Variants in BAHCC1 observed in about 807,000 individuals in gnomAD.
BAHCC1 encodes BAH domain and coiled-coil containing 1.
In BAHCC1, 43 loss-of-function variants were observed where a neutral mutation model predicts 88.2. The observed-to-expected ratio is 0.49, with a 90% CI of 0.38 to 0.63. The LOEUF (loss-of-function observed/expected upper bound fraction) is 0.63, where lower values mean the gene tolerates loss of function less well. Ranked by LOEUF, BAHCC1 falls within the 20% of genes least tolerant of loss-of-function variation. The pLI is 0.00. For synonymous variants in BAHCC1, 1,510 were observed against 745.5 expected, an observed-to-expected ratio of 2.03 and a Z score of -16.71; for missense variants, 3,023 against 1,654.8, an observed-to-expected ratio of 1.83 and a Z score of -14.34.
Position 81,399,821 on chromosome 17 carries a change from G to C in BAHCC1, c.82G>C (p.Ala28Pro). The C allele has an allele frequency of 7.5e-7, 1 of 1,326,116 alleles. No individual in the cohort carries two copies. Among genetic ancestry groups the C allele is most frequent in the East Asian group, 3.2e-5 (1 of 31,650 alleles). The allele number at this position is 1,326,116 out of a possible 1,614,324, so 82.1% of individuals were successfully genotyped here. Residue 28 changes from alanine to proline, a missense_variant, in exon 2 of 28, where the codon GCG (alanine) becomes CCG (proline). Coordinates refer to ENST00000675386, the MANE Select transcript of BAHCC1 (RefSeq NM_001377448.1). This position sits in a 1 kb window ranked among gnomAD's most constrained non-coding sequence, Gnocchi z 4.5. ...GGGCCACCGCAGCGCCGCTGCCGCC[G>C]CGCGTCTCGCCCCGGCTGGGCCCGC... is the stretch of plus-strand genomic sequence containing the variant. The part of the protein sequence containing the change: ...SLGHRSAAAA[A>P]RLAPAGPAAQ...
At position 81,457,392 on chromosome 17, in the gene BAHCC1, C is replaced by T. The variant is rs782087202; in HGVS notation, c.4859-18C>T. 2.2e-5 allele frequency: 17 copies of T among 758,798 alleles called. No individual in the cohort carries two copies. The highest frequency in any genetic ancestry group is 3.9e-5 in the Non-Finnish European group (16 of 408,248). The allele number at this position is 758,798 out of a possible 1,614,324, so 47.0% of individuals were successfully genotyped here. A position where few individuals can be genotyped will look rare whatever the true frequency, so the allele number is the denominator to read the frequency against. On this transcript the variant is annotated intron_variant, in intron 16 of 27. Transcript: ENST00000675386. ...AGCTTACCATCAAGTCATCAGGACC[C>T]CTCTGCCTCTCTCCCAGGCAGTGGC...
intron 2 of BAHCC1, among the ~76,000 whole-genome samples, chr17:81,419,238 C>T (rs530755661): frequency 2.2e-4 from 33 of 152,334 alleles, no homozygotes; most frequent in Admixed American, 6.5e-4. Context: ...CCTCTCACCC[C>T]AGGCAGAGCC....
Position 81,452,821 on chromosome 17 carries a change from C to G in BAHCC1, c.4415C>G (p.Pro1472Arg), listed in dbSNP as rs781918167. 1.3e-6 allele frequency: 1 copy of G among 743,756 alleles called. No homozygotes were observed. The highest frequency in any genetic ancestry group is 2.5e-6 in the Non-Finnish European group (1 of 404,154). The allele number at this position is 743,756 out of a possible 1,614,324, so 46.1% of individuals were successfully genotyped here. ...CTGCCTGCCCCACGTCCCACGGGGC[C>G]GCTCCCCAGGAGCGATGGCAAGAAA... is the stretch of plus-strand genomic sequence containing the variant. The part of the protein sequence containing the change: ...SSLPAPRPTG[P>R]LPRSDGKKVK... Residue 1472 changes from proline to arginine, a missense_variant, in exon 14 of 28, where the codon CCG becomes CGG. By Grantham distance (103) the Pro-to-Arg change is moderately radical. Coordinates refer to ENST00000675386, the MANE Select transcript of BAHCC1 (RefSeq NM_001377448.1).
chr17:81,402,842 G>C (rs1555646286), intron 2 of BAHCC1: 1 of 152,230 alleles, frequency 6.6e-6, no homozygotes. Flanking sequence ...TGGGGACATG[G>C]GGCTCCCAGG....
Position 81,425,404 on chromosome 17 carries a change from G to GGTGATGTGGTTGGT in BAHCC1, c.179-1394_179-1381dup, listed in dbSNP as rs1160320105. The stretch of plus-strand genomic sequence containing the variant: ...GGTGTGGTTGGTGGTGATAGTGGTG[G>GGTGATGTGGTTGGT]GTGATGTGGTTGGTGGGTGATGTGG... On this transcript the variant is annotated intron_variant, in intron 2 of 27. Transcript: ENST00000675386. Among the ~76,000 whole-genome samples the GGTGATGTGGTTGGT allele has an allele frequency of 2.8e-3, 278 of 100,956 alleles. 37 individuals are homozygous for GGTGATGTGGTTGGT. Among genetic ancestry groups the GGTGATGTGGTTGGT allele is most frequent in the African/African-American group, 0.012 (211 of 17,332 alleles). The allele number at this position is 100,956 out of a possible 152,430, so 66.2% of individuals were successfully genotyped here. A position where few individuals can be genotyped will look rare whatever the true frequency, so the allele number is the denominator to read the frequency against.
chr17:81,444,320 G>T, intron 6 of BAHCC1, 61 bp from the exon 7 acceptor site: 1 of 700,356 alleles, frequency 1.4e-6, no homozygotes, highest in Non-Finnish European at 2.6e-6. Flanking sequence ...CAAAGGGCCG[G>T]GGGTGGGATG....
At chr17:81,424,348 G>A (rs1555649988) in intron 2 of BAHCC1, among the ~76,000 whole-genome samples, 1 of 152,200 alleles carries the variant, frequency 6.6e-6, no homozygotes, top group Non-Finnish European at 1.5e-5. Flanking sequence ...TGACCTTTTT[G>A]GCAAGTTCGC....
Position 81,399,799 on chromosome 17 carries a change from C to T in BAHCC1, c.60C>T (p.Gly20=), listed in dbSNP as rs1458466483. The T allele has an allele frequency of 6.3e-6, 8 of 1,274,334 alleles. No homozygotes were observed. Among genetic ancestry groups the T allele is most frequent in the Non-Finnish European group, 6.9e-6 (7 of 1,012,290 alleles). The allele number at this position is 1,274,334 out of a possible 1,614,324, so 78.9% of individuals were successfully genotyped here. Residue 20 remains glycine, a synonymous_variant, in exon 2 of 28, where the codon GGC becomes GGT. Transcript: ENST00000675386. The surrounding 1 kb of genome is among the most constrained non-coding windows in gnomAD (Gnocchi z 4.5). Reference sequence around the variant, plus strand: ...TGCTGTCGGAGCGCGGGAGCCTGGGCCACCGCAGCGCCGCTGCCGCCGCGC... The same window carrying T: ...TGCTGTCGGAGCGCGGGAGCCTGGGTCACCGCAGCGCCGCTGCCGCCGCGC... ...PHLLSERGSL[G]HRSAAAAARL...
chr17:81,422,253 C>A (rs1001327499), intron 2 of BAHCC1, among the ~76,000 whole-genome samples: 7 of 152,226 alleles, frequency 4.6e-5, no homozygotes, highest in Non-Finnish European at 8.8e-5. Flanking sequence ...CTCAAGTGAT[C>A]CACCACCTTG....
intron 2 of BAHCC1, among the ~76,000 whole-genome samples, chr17:81,426,333 TGGTGATAGTCGTGGGTGATGTGGTTGGG>T (rs2064198036): frequency 4.9e-5 from 2 of 40,992 alleles, no homozygotes; most frequent in East Asian, 9.2e-4. Context: ...ATGTGGTTGG[TGGTGATAGTCGTGGGTGATGTGGTTGGG>T]GGTGATAGTG....
chr17:81,418,065 G>A (rs1310786223), intron 2 of BAHCC1, among the ~76,000 whole-genome samples: 7 of 152,226 alleles, frequency 4.6e-5, no homozygotes, highest in African/African-American at 1.7e-4. Context: ...GCCCCAGGGG[G>A]CCAAGGCACC....
At chr17:81,418,810 C>CGTGTGTGTGTGT (rs70938163) in intron 2 of BAHCC1, among the ~76,000 whole-genome samples, 13,822 of 146,068 alleles carry the variant, frequency 0.095, 748 homozygotes, top group Non-Finnish European at 0.12. Flanking sequence ...TGTGTGTGTA[C>CGTGTGTGTGTGT]GTGTGTGTGT....
intron 4 of BAHCC1, among the ~76,000 whole-genome samples, chr17:81,441,192 G>T (rs1446978451): frequency 6.6e-6 from 1 of 152,204 alleles, no homozygotes; most frequent in African/African-American, 2.4e-5. Context: ...CTGAACATGG[G>T]GGCAGAGGGT....
intron 2 of BAHCC1, among the ~76,000 whole-genome samples, chr17:81,413,501 C>T (rs927052208): frequency 2.6e-5 from 4 of 152,186 alleles, no homozygotes; most frequent in African/African-American, 7.2e-5. Context: ...TCCGCAGCAG[C>T]GGGCCCCTGG....
At chr17:81,437,463 T>C (rs1481283225) in intron 3 of BAHCC1, among the ~76,000 whole-genome samples, 2 of 152,238 alleles carry the variant, frequency 1.3e-5, no homozygotes, top group Non-Finnish European at 2.9e-5. Context: ...ACATGCTCTC[T>C]GCAGCCCCTG....
At chr17:81,462,662 C>T (rs1555659821) in intron 26 of BAHCC1, 78 bp from the exon 27 acceptor site, 3 of 689,712 alleles carry the variant, frequency 4.3e-6, no homozygotes, top group Admixed American at 2.1e-5. Flanking sequence ...CCACACCACA[C>T]CCTCCATGCC....
chr17:81,425,888 TGTGGTTGGTGGGTG>T, intron 2 of BAHCC1, among the ~76,000 whole-genome samples: 1 of 147,310 alleles, frequency 6.8e-6, no homozygotes, highest in East Asian at 2.0e-4. Context: ...TTGGTGGTGA[TGTGGTTGGTGGGTG>T]ATGTCATTGG....
intron 2 of BAHCC1, among the ~76,000 whole-genome samples, chr17:81,418,511 C>T (rs1379681606): frequency 7.9e-5 from 12 of 152,116 alleles, no homozygotes; most frequent in African/African-American, 2.7e-4. Context: ...AGATCTGAGG[C>T]CCCCCTCTAC....
At position 81,438,285 on chromosome 17, in the gene BAHCC1, C is replaced by G. The variant is rs879989126; in HGVS notation, c.359-85C>G. On this transcript the variant is annotated intron_variant, in intron 3 of 27. Coordinates refer to ENST00000675386, the MANE Select transcript of BAHCC1 (RefSeq NM_001377448.1). ...GGGACATCGCTCCTGGGCTGCCTGC[C>G]GGCTTCTTGCCTCCCTGGGGTCAGG... The G allele has an allele frequency of 2.7e-5, 20 of 747,030 alleles. No homozygotes were observed. The South Asian group carries it at 2.8e-4, about 11-fold the overall frequency. 46.3% of individuals were successfully genotyped at this position (747,030 alleles called of 1,614,324 possible). A position where few individuals can be genotyped will look rare whatever the true frequency, so the allele number is the denominator to read the frequency against.
Sources: gnomAD v4.1 joint callset for allele counts (sites outside exome capture counted in the v4.1 genomes callset) on GRCh38, gnomAD v4.1.1 for gene constraint, Gnocchi (gnomAD v3.1) non-coding constraint, MANE v1.5 for transcripts, NCBI Gene and HGNC (gene_info 2026-07-23, HGNC 2026-07-21) for gene names.